JAM3: variants seen among roughly 807,000 people sequenced by gnomAD.
JAM3 encodes junctional adhesion molecule 3.
In JAM3, 31 loss-of-function variants were observed where a neutral mutation model predicts 39.4. The observed-to-expected ratio is 0.79, with a 90% CI of 0.59 to 1.06. The LOEUF (loss-of-function observed/expected upper bound fraction) is 1.06, where lower values mean the gene tolerates loss of function less well. Ranked by LOEUF, JAM3 falls within the 50% of genes least tolerant of loss-of-function variation. JAM3 has a pLI of 0.00. For missense variants in JAM3, 455 were observed against 391.4 expected (o/e 1.16, Z -1.37); for synonymous variants, 182 against 148.7 (o/e 1.22, Z -1.63).
chr11:134,127,607 G>A (rs529945128), intron 1 of JAM3, among the ~76,000 whole-genome samples: 26 of 152,364 alleles, frequency 1.7e-4, no homozygotes, highest in Middle Eastern at 3.4e-3. Context: ...GGCTCAGGCA[G>A]GAGGATCACT....
At chr11:134,072,915 G>GA (rs927089826) in intron 1 of JAM3, among the ~76,000 whole-genome samples, 6 of 151,022 alleles carry the variant, frequency 4.0e-5, no homozygotes, top group Non-Finnish European at 7.4e-5. Flanking sequence ...CGTCTTGGGG[G>GA]AAAAAAAAAG....
intron 1 of JAM3, among the ~76,000 whole-genome samples, chr11:134,124,749 G>A (rs1476567793): frequency 2.0e-5 from 3 of 152,202 alleles, no homozygotes; most frequent in African/African-American, 7.2e-5. Context: ...TCTGAGGCCG[G>A]TCGGTGTGTC....
chr11:134,146,508 G>A (rs552363927), intron 6 of JAM3, among the ~76,000 whole-genome samples: 2 of 152,186 alleles, frequency 1.3e-5, no homozygotes, highest in Admixed American at 1.3e-4. Context: ...GGCGTTGAGA[G>A]GAGGGTGGGG....
intron 1 of JAM3, among the ~76,000 whole-genome samples, chr11:134,135,462 T>C (rs1397654666): frequency 2.0e-5 from 3 of 152,182 alleles, no homozygotes; most frequent in African/African-American, 7.2e-5. Flanking sequence ...TGAAATGTAA[T>C]AAAGATGAAT....
chr11:134,123,214 G>A (rs546049769), intron 1 of JAM3, among the ~76,000 whole-genome samples: 3 of 147,476 alleles, frequency 2.0e-5, no homozygotes, highest in African/African-American at 7.7e-5. Flanking sequence ...TATTTATTTA[G>A]TTATTTGTTT....
At chr11:134,096,519 C>T (rs995784546) in intron 1 of JAM3, among the ~76,000 whole-genome samples, 7 of 152,090 alleles carry the variant, frequency 4.6e-5, no homozygotes, top group Admixed American at 2.0e-4. Context: ...TATGTTATTT[C>T]CTCTATTTTA....
chr11:134,083,058 G>A (rs1197784932), intron 1 of JAM3, among the ~76,000 whole-genome samples: 1 of 152,122 alleles, frequency 6.6e-6, no homozygotes, highest in Non-Finnish European at 1.5e-5. Flanking sequence ...TATATTTCCA[G>A]CTTAAGTTAC....
chr11:134,119,565 A>C (rs1351559890), intron 1 of JAM3, among the ~76,000 whole-genome samples: 2 of 152,206 alleles, frequency 1.3e-5, no homozygotes, highest in African/African-American at 4.8e-5. Flanking sequence ...GTGAGTTCAG[A>C]ATCTGCAGTA....
At chr11:134,117,513 C>T (rs1167922258) in intron 1 of JAM3, among the ~76,000 whole-genome samples, 1 of 152,234 alleles carries the variant, frequency 6.6e-6, no homozygotes, top group African/African-American at 2.4e-5. Flanking sequence ...CTGATGTGAA[C>T]ATCTCAGAAT....
chr11:134,100,951 A>G (rs1033594160), intron 1 of JAM3, among the ~76,000 whole-genome samples: 1 of 152,176 alleles, frequency 6.6e-6, no homozygotes, highest in Non-Finnish European at 1.5e-5. Context: ...ACTAAAGTTA[A>G]TTTCCTGAAA....
chr11:134,070,269 C>A, intron 1 of JAM3: 1 of 454,998 alleles, frequency 2.2e-6, no homozygotes. Flanking sequence ...CCCCTGGCAG[C>A]CATCCGCAGG....
chr11:134,149,687 T>A lies in JAM3; in HGVS notation c.*506T>A. On this transcript the variant is annotated 3_prime_UTR_variant, in exon 9 of 9. Transcript: ENST00000299106. ...CACAGACACCACCGCAGTTTCTTCTTAAAGGCTCTGCTGATCGGTGTTGCA... is the reference window on the plus strand; with the variant it reads ...CACAGACACCACCGCAGTTTCTTCTAAAAGGCTCTGCTGATCGGTGTTGCA... 2.2e-6 allele frequency: 1 copy of A among 456,800 alleles called. No homozygotes were observed. The highest frequency in any genetic ancestry group is 4.4e-6 in the Non-Finnish European group (1 of 227,292). 28.3% of individuals were successfully genotyped at this position (456,800 alleles called of 1,614,324 possible). A position where few individuals can be genotyped will look rare whatever the true frequency, so the allele number is the denominator to read the frequency against.
At chr11:134,139,524 G>A (rs1237648701) in intron 1 of JAM3, 4 of 348,080 alleles carry the variant, frequency 1.1e-5, no homozygotes, top group South Asian at 4.9e-5. Flanking sequence ...CAGAAGGCCC[G>A]GGCAGGTCTG....
chr11:134,084,247 A>G (rs1217906457), intron 1 of JAM3, among the ~76,000 whole-genome samples: 1 of 152,110 alleles, frequency 6.6e-6, no homozygotes, highest in Non-Finnish European at 1.5e-5. Context: ...TCATATACCT[A>G]TCTGTAAAGC....
intron 1 of JAM3, among the ~76,000 whole-genome samples, chr11:134,131,431 A>C (rs1438566417): frequency 4.0e-5 from 6 of 151,158 alleles, no homozygotes; most frequent in Admixed American, 6.6e-5. Flanking sequence ...AACACAGCAA[A>C]TCTTGGGGGA....
At chr11:134,074,725 A>G (rs1941537261) in intron 1 of JAM3, among the ~76,000 whole-genome samples, 1 of 152,020 alleles carries the variant, frequency 6.6e-6, no homozygotes. Flanking sequence ...TTGAGCACCT[A>G]CTCTGTGGCA....
intron 1 of JAM3, among the ~76,000 whole-genome samples, chr11:134,069,983 A>G (rs1941462479): frequency 6.6e-6 from 1 of 152,194 alleles, no homozygotes; most frequent in Admixed American, 6.5e-5. Context: ...TAAACTTGAT[A>G]GTTTTGTGCA....
chr11:134,109,302 A>AGCAGT (rs535790529), intron 1 of JAM3, among the ~76,000 whole-genome samples: 15 of 152,218 alleles, frequency 9.9e-5, no homozygotes, highest in Non-Finnish European at 2.1e-4. Context: ...TGGAGGTTCT[A>AGCAGT]GCAGTGCAAC....
At chr11:134,147,835 G>T (rs1256112005) in intron 6 of JAM3, 1 of 153,442 alleles carries the variant, frequency 6.5e-6, no homozygotes, top group Non-Finnish European at 1.5e-5. Context: ...CAATACACTA[G>T]GATAAAGGAG....
Sources: allele counts gnomAD v4.1 joint callset (sites outside exome capture counted in the v4.1 genomes callset), GRCh38; gene constraint gnomAD v4.1.1; transcripts MANE v1.5; gene names NCBI Gene and HGNC (gene_info 2026-07-23, HGNC 2026-07-21).